The following ZNF608 variants were observed in gnomAD, a reference collection of about 807,000 sequenced individuals.
ZNF608 encodes the protein zinc finger protein 608, also known as renal carcinoma antigen NY-REN-36.
In ZNF608, 12 loss-of-function variants were observed where a neutral mutation model predicts 109.0. The observed-to-expected ratio is 0.11, with a 90% CI of 0.07 to 0.18. The LOEUF (loss-of-function observed/expected upper bound fraction) is 0.18. Ranked by LOEUF, ZNF608 falls within the 10% of genes least tolerant of loss-of-function variation. ZNF608 has a pLI of 1.00. For missense variants in ZNF608, 1,707 were observed against 1,879.3 expected (o/e 0.91, Z 1.70); for synonymous variants, 732 against 717.4 (o/e 1.02, Z -0.33).
chr5:124,715,987 C>CA (rs1350002807), intron 2 of ZNF608, among the ~76,000 whole-genome samples: 6 of 151,492 alleles, frequency 4.0e-5, no homozygotes, highest in Non-Finnish European at 7.4e-5. Context: ...ACTAAAAATA[C>CA]AAAAAATTAG....
At chr5:124,668,218 T>TA (rs1561547736) in intron 3 of ZNF608, among the ~76,000 whole-genome samples, 3 of 137,952 alleles carry the variant, frequency 2.2e-5, no homozygotes, top group Non-Finnish European at 4.7e-5. Context: ...ATATATATAT[T>TA]ATATATATAT....
At chr5:124,646,620 T>A in intron 5 of ZNF608, 59 bp downstream of exon 5, 1 of 1,538,272 alleles carries the variant, frequency 6.5e-7, no homozygotes, top group Non-Finnish European at 8.8e-7. Context: ...AGCCCAGACA[T>A]GTATAATACA....
At position 124,715,887 on chromosome 5, in the gene ZNF608, T is replaced by C. The variant is rs367962261; in HGVS notation, c.907-14618A>G. Among the ~76,000 whole-genome samples, 66 of 152,228 alleles carry C rather than the reference T, an allele frequency of 4.3e-4. No individual in the cohort carries two copies. The South Asian group carries it at 0.013, about 30-fold the overall frequency. On this transcript the variant is annotated intron_variant, in intron 2 of 9. Coordinates refer to ENST00000513986, the MANE Select transcript of ZNF608 (RefSeq NM_020747.3). Reference sequence around the variant, plus strand: ...GGCCGGGCGCGGTGGCTCACGCCTGTAATCCCAGCACCTTGGGAGGCCGAG... The same window carrying C: ...GGCCGGGCGCGGTGGCTCACGCCTGCAATCCCAGCACCTTGGGAGGCCGAG...
chr5:124,650,706 T>C (rs1362923847), intron 3 of ZNF608, among the ~76,000 whole-genome samples: 2 of 152,222 alleles, frequency 1.3e-5, no homozygotes, highest in Non-Finnish European at 2.9e-5. Context: ...CATACATAAA[T>C]TATTAGGGTA....
In ZNF608 at chr5:124,637,144, G is replaced by T. The variant is rs925641003; in HGVS notation, c.*756C>A. ...TTCAAGTAATAGAACAATCACAGATGTCTCTGGTACGCAGGCTATTGGGTT... is the reference window on the plus strand; with the variant it reads ...TTCAAGTAATAGAACAATCACAGATTTCTCTGGTACGCAGGCTATTGGGTT... On this transcript the variant is annotated 3_prime_UTR_variant, in exon 10 of 10. Coordinates refer to ENST00000513986, the MANE Select transcript of ZNF608 (RefSeq NM_020747.3). 1 of 150,318 alleles carries T rather than the reference G, an allele frequency of 6.7e-6. No homozygotes were observed. The highest frequency in any genetic ancestry group is 1.5e-5 in the Non-Finnish European group (1 of 67,790). The allele number at this position is 150,318 out of a possible 1,614,324, so 9.3% of individuals were successfully genotyped here. A position where few individuals can be genotyped will look rare whatever the true frequency, so the allele number is the denominator to read the frequency against.
At chr5:124,746,842 A>C, upstream of ZNF608, 1 of 938,474 alleles carries the variant, frequency 1.1e-6, no homozygotes, top group Non-Finnish European at 1.3e-6. Flanking sequence ...AAAGGGTGGG[A>C]TGAGAAACTG....
chr5:124,644,381 C>T lies in ZNF608; in HGVS notation c.3986G>A (p.Arg1329Lys), dbSNP rs1371475841. 1.2e-6 allele frequency: 2 copies of T among 1,614,042 alleles called. No homozygotes were observed. Among genetic ancestry groups the T allele is most frequent in the East Asian group, 2.2e-5 (1 of 44,896 alleles). ...PVNWKDSRGT[R>K]VAVSSPMSQH... ...ACTCATGGGTGAGGAGACAGCCACTCTTGTTCCCCGAGAGTCCTTCCAGTT... is the reference window on the plus strand; with the variant it reads ...ACTCATGGGTGAGGAGACAGCCACTTTTGTTCCCCGAGAGTCCTTCCAGTT... Residue 1329 changes from arginine to lysine, a missense_variant, in exon 6 of 10, where the codon AGA becomes AAA. By Grantham distance (26) the Arg-to-Lys change is conservative (BLOSUM62 2). Coordinates refer to ENST00000513986, the MANE Select transcript of ZNF608 (RefSeq NM_020747.3).
intron 7 of ZNF608, among the ~76,000 whole-genome samples, chr5:124,642,884 ACGG>A (rs1750312467): frequency 2.6e-5 from 4 of 151,762 alleles, no homozygotes; most frequent in Non-Finnish European, 5.9e-5. Context: ...TTTAGTAGAG[ACGG>A]AGTTTCACCA....
intron 3 of ZNF608, among the ~76,000 whole-genome samples, chr5:124,672,380 T>C (rs1203254800): frequency 6.6e-6 from 1 of 152,176 alleles, no homozygotes; most frequent in Non-Finnish European, 1.5e-5. Flanking sequence ...TCTTCCTCCA[T>C]GGAAATAATG....
rs781539270 is a variant in ZNF608 at position 124,649,713 on chromosome 5, G to A, written c.1163-16C>T. On this transcript the variant is annotated splice_polypyrimidine_tract_variant and intron_variant, in intron 3 of 9. Transcript: ENST00000513986. ...ACTAGGACACCTGCAGGAGGCAGGGGATGAAAAAGGATCATAGTTACCACT... is the reference window on the plus strand; with the variant it reads ...ACTAGGACACCTGCAGGAGGCAGGGAATGAAAAAGGATCATAGTTACCACT... 7 of 1,517,610 alleles carry A rather than the reference G, an allele frequency of 4.6e-6. No individual in the cohort carries two copies. In the East Asian group the frequency reaches 9.4e-5, roughly 20 times the overall value. 94.0% of individuals were successfully genotyped at this position (1,517,610 alleles called of 1,614,324 possible).
At chr5:124,705,395 G>C (rs564776170) in intron 2 of ZNF608, among the ~76,000 whole-genome samples, 2 of 152,270 alleles carry the variant, frequency 1.3e-5, no homozygotes, top group African/African-American at 4.8e-5. Context: ...TCAGTGTCTA[G>C]TTCTAAGAAA....
At chr5:124,645,060 C>T (rs571523457) in intron 5 of ZNF608, among the ~76,000 whole-genome samples, 1 of 152,298 alleles carries the variant, frequency 6.6e-6, no homozygotes, top group East Asian at 1.9e-4. Flanking sequence ...CTTTTAATAT[C>T]TCACACAGGT....
intron 2 of ZNF608, among the ~76,000 whole-genome samples, chr5:124,733,851 C>A (rs1217272914): frequency 6.6e-6 from 1 of 151,994 alleles, no homozygotes. Flanking sequence ...TTTAGAAAAC[C>A]ATTTAAATAA....
At position 124,641,297 on chromosome 5, in the gene ZNF608, C is replaced by T. The variant is rs778984931; in HGVS notation, c.4405G>A (p.Gly1469Ser). 6.2e-7 allele frequency: 1 copy of T among 1,613,876 alleles called. No homozygotes were observed. The highest frequency in any genetic ancestry group is 8.5e-7 in the Non-Finnish European group (1 of 1,180,014). ...CCCGGGATTAGCGGGTAACCCATGCCAACGTGGGTGTGGTGGTGCGTGTGC... is the reference window on the plus strand; with the variant it reads ...CCCGGGATTAGCGGGTAACCCATGCTAACGTGGGTGTGGTGGTGCGTGTGC... ...HLHTHHHTHV[G>S]MGYPLIPGQY... is the part of the protein sequence containing the mutation. The change falls in exon 8 of 10, where the codon GGC (glycine) becomes AGC (serine). Residue 1469 changes from glycine (G) to serine (S), a missense_variant. Physicochemically the swap from Gly to Ser is moderately conservative, Grantham distance 56 (BLOSUM62 0). This residue lies in a region of ZNF608 where 1,073 missense variants were observed against 1,133.5 expected (regional missense o/e 0.95). Coordinates refer to ENST00000513986, the MANE Select transcript of ZNF608 (RefSeq NM_020747.3).
chr5:124,732,261 A>T (rs892195317), intron 2 of ZNF608, among the ~76,000 whole-genome samples: 2 of 152,196 alleles, frequency 1.3e-5, no homozygotes, highest in Admixed American at 1.3e-4. Context: ...TTACAGAAGA[A>T]ATGGGCTTTT....
chr5:124,644,772 C>G, intron 5 of ZNF608, 111 bp from the exon 6 acceptor site: 1 of 908,102 alleles, frequency 1.1e-6, no homozygotes, highest in South Asian at 1.9e-5. Context: ...AATTTTAATG[C>G]TAAGTTGACA....
chr5:124,744,507 G>A lies in ZNF608; in HGVS notation c.483C>T (p.Gly161=). 1 of 1,614,206 alleles carries A rather than the reference G, an allele frequency of 6.2e-7. No individual in the cohort carries two copies. The highest frequency in any genetic ancestry group is 8.5e-7 in the Non-Finnish European group (1 of 1,180,026). ...SALGQSVSSG[G]SGNPNSNSTS... The stretch of plus-strand genomic sequence containing the variant: ...TACTATTGCTGTTTGGGTTGCCGCT[G>A]CCGCCGCTGCTCACACTTTGACCCA... Residue 161 remains glycine, a synonymous_variant, in exon 2 of 10, where the codon GGC becomes GGT. Transcript: ENST00000513986. The surrounding 1 kb of genome is among the most constrained non-coding windows in gnomAD (Gnocchi z 4.5).
At chr5:124,691,527 T>C (rs1001837215) in intron 3 of ZNF608, among the ~76,000 whole-genome samples, 1 of 152,236 alleles carries the variant, frequency 6.6e-6, no homozygotes, top group Non-Finnish European at 1.5e-5. Context: ...GAGATGTCTG[T>C]ATTCCCATGT....
intron 3 of ZNF608, among the ~76,000 whole-genome samples, chr5:124,673,258 C>T (rs1751804357): frequency 6.6e-6 from 1 of 152,144 alleles, no homozygotes; most frequent in Admixed American, 6.5e-5. Context: ...CTTTCTCCTA[C>T]AAGAGATTGG....
Sources: gnomAD v4.1 joint callset for allele counts (sites outside exome capture counted in the v4.1 genomes callset) on GRCh38, gnomAD v4.1.1 for gene constraint, gnomAD v4.1.1 regional missense constraint, Gnocchi (gnomAD v3.1) non-coding constraint, MANE v1.5 for transcripts, NCBI Gene and HGNC (gene_info 2026-07-23, HGNC 2026-07-21) for gene names.